Variants in C12orf42 observed in about 807,000 individuals in gnomAD.
The protein encoded by C12orf42 is uncharacterized protein C12orf42.
C12orf42 carries 25 observed loss-of-function variants against 21.6 expected under a neutral mutation model. The ratio of observed to expected loss-of-function variants is 1.16; its 90% CI spans 0.84 to 1.62. The LOEUF (loss-of-function observed/expected upper bound fraction) is 1.62. Among genes scored for constraint, C12orf42 ranks in the 40% most tolerant of loss-of-function variants. The pLI is 0.00. For synonymous variants in C12orf42, 174 were observed against 175.0 expected, an observed-to-expected ratio of 0.99 and a Z score of 0.05; for missense variants, 483 against 459.3, an observed-to-expected ratio of 1.05 and a Z score of -0.47.
At chr12:103,173,351 T>C in the C12orf42 span, among the ~76,000 whole-genome samples, 9 of 152,260 alleles carry the variant, frequency 5.9e-5, no homozygotes, top group Middle Eastern at 3.4e-3. Context: ...AATTCCCTAT[T>C]TGGAGATTTC....
At chr12:103,067,898 G>T in the C12orf42 span, among the ~76,000 whole-genome samples, 1 of 152,180 alleles carries the variant, frequency 6.6e-6, no homozygotes, top group African/African-American at 2.4e-5. Context: ...GCAAGGAAAA[G>T]AATGCATGGA....
the C12orf42 span, among the ~76,000 whole-genome samples, chr12:103,101,617 C>G: frequency 1.3e-5 from 2 of 152,148 alleles, no homozygotes; most frequent in Non-Finnish European, 2.9e-5. Context: ...TGTCTAGAAC[C>G]CAAACTACCC....
the C12orf42 span, among the ~76,000 whole-genome samples, chr12:103,057,875 T>C: frequency 6.6e-6 from 1 of 152,256 alleles, no homozygotes; most frequent in Admixed American, 6.5e-5. Context: ...GTTTCTTGAC[T>C]TTTTATAATC....
chr12:103,186,591 T>C, the C12orf42 span, among the ~76,000 whole-genome samples: 1 of 152,160 alleles, frequency 6.6e-6, no homozygotes, highest in Non-Finnish European at 1.5e-5. Flanking sequence ...GAGACTCTTG[T>C]TGATTGTTTT....
At chr12:103,241,311 A>T (rs530104628) in intron 10 of C12orf42, among the ~76,000 whole-genome samples, 5 of 152,022 alleles carry the variant, frequency 3.3e-5, no homozygotes, top group African/African-American at 4.8e-5. Context: ...TTTAGATTCC[A>T]TTTTAGTGGA....
At chr12:103,232,179 A>T in the C12orf42 span, among the ~76,000 whole-genome samples, 6 of 152,162 alleles carry the variant, frequency 3.9e-5, no homozygotes, top group Non-Finnish European at 7.4e-5. Flanking sequence ...GAGTTTTAAG[A>T]ATCTTTTCTG....
At chr12:103,404,755 AGAG>A (rs1348208308) in intron 2 of C12orf42, among the ~76,000 whole-genome samples, 1 of 152,234 alleles carries the variant, frequency 6.6e-6, no homozygotes, top group Non-Finnish European at 1.5e-5. Context: ...CCCATATGTT[AGAG>A]AAGAGGCAAG....
At chr12:103,249,264 C>A (rs1050650033) in intron 10 of C12orf42, among the ~76,000 whole-genome samples, 7 of 152,034 alleles carry the variant, frequency 4.6e-5, no homozygotes, top group South Asian at 2.1e-4. Context: ...AACCTCACAA[C>A]AACCCTTGAA....
intron 3 of C12orf42, among the ~76,000 whole-genome samples, chr12:103,400,401 C>G (rs1284954453): frequency 6.6e-6 from 1 of 152,210 alleles, no homozygotes. Flanking sequence ...TCTTGACATA[C>G]TAGTTGTGGA....
At chr12:103,236,431 A>T (rs1160300280), downstream of C12orf42, among the ~76,000 whole-genome samples, 1 of 152,208 alleles carries the variant, frequency 6.6e-6, no homozygotes. Flanking sequence ...CAAGCTGCTC[A>T]GTTTTATCAC....
the C12orf42 span, among the ~76,000 whole-genome samples, chr12:103,084,049 A>G: frequency 6.6e-6 from 1 of 152,198 alleles, no homozygotes; most frequent in Non-Finnish European, 1.5e-5. Context: ...TAAAACATAC[A>G]TTTTTAAGAT....
chr12:103,220,240 T>A, the C12orf42 span, among the ~76,000 whole-genome samples: 1 of 152,100 alleles, frequency 6.6e-6, no homozygotes, highest in Non-Finnish European at 1.5e-5. Context: ...GAGGGGAACA[T>A]CTCACACCAG....
chr12:103,297,354 G>T (rs2037361688), downstream of C12orf42, among the ~76,000 whole-genome samples: 2 of 151,902 alleles, frequency 1.3e-5, no homozygotes, highest in African/African-American at 4.8e-5. Context: ...CTCTTTTTTG[G>T]TTCCATATGA....
the C12orf42 span, among the ~76,000 whole-genome samples, chr12:103,055,192 G>A: frequency 2.0e-5 from 3 of 151,834 alleles, no homozygotes; most frequent in African/African-American, 7.2e-5. Flanking sequence ...GAAATCATCT[G>A]TGCCTAGAGA....
chr12:103,462,958 G>T (rs1952838679), intron 2 of C12orf42, among the ~76,000 whole-genome samples: 1 of 152,240 alleles, frequency 6.6e-6, no homozygotes, highest in South Asian at 2.1e-4. Context: ...TTCAGGTTGT[G>T]TCACTTGCTA....
chr12:103,193,167 A>G, the C12orf42 span, among the ~76,000 whole-genome samples: 8 of 152,158 alleles, frequency 5.3e-5, no homozygotes, highest in South Asian at 1.7e-3. Flanking sequence ...TAAATTTAAA[A>G]AATTAGAAAA....
chr12:103,321,793 C>T (rs1250139911), intron 4 of C12orf42, among the ~76,000 whole-genome samples: 1 of 149,808 alleles, frequency 6.7e-6, no homozygotes, highest in Admixed American at 6.6e-5. Context: ...CATATTCTCA[C>T]TCATAGGTGG....
chr12:103,380,150 T>C (rs1013193882), intron 3 of C12orf42, among the ~76,000 whole-genome samples: 14 of 152,202 alleles, frequency 9.2e-5, no homozygotes, highest in African/African-American at 3.1e-4. Flanking sequence ...TCTAGTAAAG[T>C]TGAACCTCTA....
chr12:103,507,149 TAA>T, the C12orf42 span, among the ~76,000 whole-genome samples: 945 of 22,574 alleles, frequency 0.042, 58 homozygotes, highest in Non-Finnish European at 0.049. Context: ...ATATATAATA[TAA>T]ATATATATAT....
Sources: allele counts gnomAD v4.1 joint callset (sites outside exome capture counted in the v4.1 genomes callset), GRCh38; gene constraint gnomAD v4.1.1; transcripts MANE v1.5; gene names NCBI Gene and HGNC (gene_info 2026-07-23, HGNC 2026-07-21).